The following PTPRG variants were observed in gnomAD, a reference collection of about 807,000 sequenced individuals.
PTPRG encodes protein tyrosine phosphatase receptor type G, also known as receptor-type tyrosine-protein phosphatase gamma.
PTPRG carries 102 observed loss-of-function variants against 165.3 expected under a neutral mutation model. The ratio of observed to expected loss-of-function variants is 0.62; its 90% CI spans 0.53 to 0.73. The LOEUF (loss-of-function observed/expected upper bound fraction) is 0.73, where lower values mean the gene tolerates loss of function less well. PTPRG is among the 30% of genes least tolerant of loss of function. The pLI is 0.00. For missense variants in PTPRG, 1,866 were observed against 1,861.4 expected (o/e 1.00, Z -0.05); for synonymous variants, 675 against 669.5 (o/e 1.01, Z -0.13).
intron 2 of PTPRG, among the ~76,000 whole-genome samples, chr3:61,901,131 G>C (rs923804605): frequency 1.3e-5 from 2 of 152,188 alleles, no homozygotes; most frequent in African/African-American, 2.4e-5. Flanking sequence ...AGATGTTCTA[G>C]TAGTCTACAT....
At chr3:61,642,965 C>A (rs1373061024) in intron 1 of PTPRG, among the ~76,000 whole-genome samples, 1 of 152,166 alleles carries the variant, frequency 6.6e-6, no homozygotes, top group Non-Finnish European at 1.5e-5. Context: ...AAAACAAATA[C>A]AGCTGATCTG....
intron 1 of PTPRG, among the ~76,000 whole-genome samples, chr3:61,564,474 T>C (rs1198954658): frequency 6.6e-6 from 1 of 152,134 alleles, no homozygotes; most frequent in Admixed American, 6.5e-5. Context: ...ACCATTTTCG[T>C]CTTCTCATTT....
rs1702989189 is a variant in PTPRG, at chr3:62,294,136, G to C, written c.*829G>C. 1 of 152,060 alleles carries C rather than the reference G, an allele frequency of 6.6e-6. No homozygotes were observed. Among genetic ancestry groups the C allele is most frequent in the African/African-American group, 2.4e-5 (1 of 41,412 alleles). 9.4% of individuals were successfully genotyped at this position (152,060 alleles called of 1,614,324 possible). A position where few individuals can be genotyped will look rare whatever the true frequency, so the allele number is the denominator to read the frequency against. ...GCAATATTATATACAACTCAGTTAT[G>C]AGACCCTTTAGTTATTCTCCATTAA... On this transcript the variant is annotated 3_prime_UTR_variant, in exon 30 of 30. Transcript: ENST00000474889.
chr3:61,913,332 G>C (rs1473248217), intron 2 of PTPRG, among the ~76,000 whole-genome samples: 1 of 152,098 alleles, frequency 6.6e-6, no homozygotes, highest in African/African-American at 2.4e-5. Flanking sequence ...CCATTCTCCT[G>C]CCTCAGCCTC....
rs917217106 is a variant in PTPRG at position 62,114,243 on chromosome 3, G to A, written c.616-18359G>A. 8.5e-5 allele frequency among the ~76,000 whole-genome samples: 13 copies of A among 152,078 alleles called. 1 individual carries two copies. On this transcript the variant is annotated intron_variant, in intron 5 of 29. Coordinates refer to ENST00000474889, the MANE Select transcript of PTPRG (RefSeq NM_002841.4). ...GAACTTGGGAGGCGGAGGTTGTAGT[G>A]AGCCAAGATCGCACCACTACACTCC...
chr3:61,981,773 C>T (rs1005560126), intron 2 of PTPRG, among the ~76,000 whole-genome samples: 2 of 152,136 alleles, frequency 1.3e-5, no homozygotes, highest in African/African-American at 4.8e-5. Context: ...TCTAATGTAA[C>T]CCTGTAATTT....
chr3:61,952,330 G>A (rs917652482), intron 2 of PTPRG, among the ~76,000 whole-genome samples: 13 of 152,056 alleles, frequency 8.5e-5, no homozygotes, highest in African/African-American at 2.4e-4. Flanking sequence ...TTACAGGTTT[G>A]TGAGCTGGGA....
At chr3:61,950,236 C>T (rs889383747) in intron 2 of PTPRG, among the ~76,000 whole-genome samples, 8 of 152,294 alleles carry the variant, frequency 5.3e-5, no homozygotes, top group East Asian at 3.9e-4. Flanking sequence ...TCTTTTCCCC[C>T]AGCTCTCCCC....
At chr3:62,238,027 T>C (rs1360358272) in intron 14 of PTPRG, among the ~76,000 whole-genome samples, 4 of 152,368 alleles carry the variant, frequency 2.6e-5, no homozygotes, top group South Asian at 4.1e-4. Context: ...ATATCTAATA[T>C]GTTAGTCATC....
At position 62,277,730 on chromosome 3, in the gene PTPRG, A is replaced by G. The variant is rs572565500; in HGVS notation, c.3765+51A>G. 41 of 1,600,906 alleles carry G rather than the reference A, an allele frequency of 2.6e-5. No homozygotes were observed. The African/African-American group carries it at 5.5e-4, about 21-fold the overall frequency. On this transcript the variant is annotated intron_variant, in intron 26 of 29. Coordinates refer to ENST00000474889, the MANE Select transcript of PTPRG (RefSeq NM_002841.4). ...TTAATGAGCCCATGAGGCTACAAGCATAAATTACTTTGATACTTTGCCATA... is the reference window on the plus strand; with the variant it reads ...TTAATGAGCCCATGAGGCTACAAGCGTAAATTACTTTGATACTTTGCCATA...
intron 2 of PTPRG, among the ~76,000 whole-genome samples, chr3:61,837,339 G>T (rs191480917): frequency 3.9e-5 from 6 of 152,134 alleles, no homozygotes; most frequent in Admixed American, 3.9e-4. Context: ...GTGAGCCACC[G>T]CACCCAACCT....
intron 2 of PTPRG, among the ~76,000 whole-genome samples, chr3:61,780,820 G>A (rs1248228028): frequency 6.6e-6 from 1 of 152,178 alleles, no homozygotes; most frequent in Non-Finnish European, 1.5e-5. Flanking sequence ...TAAATAGGAA[G>A]ATAAAATGTC....
At position 61,804,670 on chromosome 3, in the gene PTPRG, TTCTC is replaced by T. The variant is rs527755103; in HGVS notation, c.190+55693_190+55696del. The stretch of plus-strand genomic sequence containing the variant: ...ATTTACTTTTTCTTTTCCTGTGTCT[TTCTC>T]TCTCCAAAAAAAAAAAAAAAATAAA... On this transcript the variant is annotated intron_variant, in intron 2 of 29. Transcript: ENST00000474889. Among the ~76,000 whole-genome samples the T allele has an allele frequency of 3.8e-3, 569 of 148,774 alleles. 4 individuals are homozygous for T. The highest frequency in any genetic ancestry group is 0.01 in the South Asian group (47 of 4,644).
At chr3:61,598,902 G>T (rs115731623) in intron 1 of PTPRG, among the ~76,000 whole-genome samples, 1 of 152,036 alleles carries the variant, frequency 6.6e-6, no homozygotes, top group African/African-American at 2.4e-5. Flanking sequence ...CTGGCTGTGT[G>T]TGTCTGTGTC....
At chr3:61,786,300 T>G (rs992988005) in intron 2 of PTPRG, among the ~76,000 whole-genome samples, 1 of 152,232 alleles carries the variant, frequency 6.6e-6, no homozygotes, top group Non-Finnish European at 1.5e-5. Context: ...TATTCCTAGC[T>G]TTTAATCTGA....
At chr3:61,722,718 A>G (rs2032102271) in intron 1 of PTPRG, among the ~76,000 whole-genome samples, 2 of 152,198 alleles carry the variant, frequency 1.3e-5, no homozygotes, top group Non-Finnish European at 2.9e-5. Flanking sequence ...GAAATGAGTA[A>G]CGGTGAATTT....
chr3:62,102,548 G>T (rs1702328400), intron 5 of PTPRG, among the ~76,000 whole-genome samples: 1 of 152,178 alleles, frequency 6.6e-6, no homozygotes, highest in Non-Finnish European at 1.5e-5. Context: ...TGGGATTACA[G>T]GCGTGAGCCA....
intron 8 of PTPRG, among the ~76,000 whole-genome samples, chr3:62,183,255 G>A (rs947786124): frequency 6.6e-6 from 1 of 152,118 alleles, no homozygotes; most frequent in Non-Finnish European, 1.5e-5. Flanking sequence ...GATAGGACTC[G>A]TTACTATTAA....
chr3:61,941,899 C>G (rs2039639667), intron 2 of PTPRG, among the ~76,000 whole-genome samples: 1 of 151,912 alleles, frequency 6.6e-6, no homozygotes, highest in Non-Finnish European at 1.5e-5. Context: ...TGGCTCATGC[C>G]TGTAATCCCA....
Sources: allele counts gnomAD v4.1 joint callset (sites outside exome capture counted in the v4.1 genomes callset), GRCh38; gene constraint gnomAD v4.1.1; transcripts MANE v1.5; gene names NCBI Gene and HGNC (gene_info 2026-07-23, HGNC 2026-07-21).